COTL1: variants seen among roughly 807,000 people sequenced by gnomAD.
COTL1 encodes the protein coactosin like F-actin binding protein 1, also known as coactosin-like protein.
Under a neutral mutation model 16.5 loss-of-function variants are expected in COTL1, and 15 were observed. The observed-to-expected ratio is 0.91, with a 90% CI of 0.61 to 1.40. The LOEUF (loss-of-function observed/expected upper bound fraction) is 1.40, where lower values mean the gene tolerates loss of function less well. COTL1 is among the 40% of genes most tolerant of loss of function. The pLI is 0.00. For synonymous variants in COTL1, 112 were observed against 85.3 expected (o/e 1.31, Z -1.73); for missense variants, 220 against 201.5 (o/e 1.09, Z -0.56).
At chr16:84,582,198 T>C (rs1167411992) in intron 3 of COTL1, among the ~76,000 whole-genome samples, 2 of 151,932 alleles carry the variant, frequency 1.3e-5, no homozygotes, top group Non-Finnish European at 2.9e-5. Flanking sequence ...TTTTACTATG[T>C]TGGCCAGGTT....
At chr16:84,572,617 C>A (rs554994367) in intron 3 of COTL1, among the ~76,000 whole-genome samples, 3 of 152,186 alleles carry the variant, frequency 2.0e-5, no homozygotes, top group East Asian at 3.8e-4. Flanking sequence ...CAAGCCACCA[C>A]GTCCAGCTGA....
intron 2 of COTL1, among the ~76,000 whole-genome samples, chr16:84,600,846 C>T (rs1384114681): frequency 6.6e-6 from 1 of 152,198 alleles, no homozygotes; most frequent in Non-Finnish European, 1.5e-5. Flanking sequence ...AAGATGATTA[C>T]TTCGGCAGAA....
chr16:84,611,566 C>A (rs1044396734), intron 2 of COTL1, among the ~76,000 whole-genome samples: 2 of 152,198 alleles, frequency 1.3e-5, no homozygotes, highest in African/African-American at 4.8e-5. Context: ...TCCACGAGGA[C>A]AGGCGCCTTT....
chr16:84,610,692 A>C (rs926544570), intron 2 of COTL1, among the ~76,000 whole-genome samples: 1 of 152,054 alleles, frequency 6.6e-6, no homozygotes, highest in African/African-American at 2.4e-5. Flanking sequence ...TATGAAATGG[A>C]AGGGAGAGGT....
chr16:84,607,177 G>T (rs749133413), intron 2 of COTL1, among the ~76,000 whole-genome samples: 1 of 152,124 alleles, frequency 6.6e-6, no homozygotes, highest in Non-Finnish European at 1.5e-5. Context: ...ACCACCATAC[G>T]GGACACCAAC....
chr16:84,611,570 C>T (rs537043822), intron 2 of COTL1, among the ~76,000 whole-genome samples: 183 of 152,300 alleles, frequency 1.2e-3, no homozygotes, highest in African/African-American at 4.2e-3. Flanking sequence ...CGAGGACAGG[C>T]GCCTTTTCTG....
At chr16:84,611,880 T>A (rs17827507) in intron 2 of COTL1, among the ~76,000 whole-genome samples, 1 of 152,054 alleles carries the variant, frequency 6.6e-6, no homozygotes, top group African/African-American at 2.4e-5. Context: ...CTGTAAGCCC[T>A]TTCTGCTGTG....
At chr16:84,589,265 C>T (rs1304609007) in intron 3 of COTL1, among the ~76,000 whole-genome samples, 2 of 152,212 alleles carry the variant, frequency 1.3e-5, no homozygotes, top group South Asian at 2.1e-4. Flanking sequence ...CGTGAGCCAC[C>T]GCACCCAGCT....
rs1311382395 is a variant in COTL1 at position 84,602,239 on chromosome 16, C to G, written c.161-11977G>C. On this transcript the variant is annotated intron_variant, in intron 2 of 3. Coordinates refer to ENST00000262428, the MANE Select transcript of COTL1 (RefSeq NM_021149.5). The stretch of plus-strand genomic sequence containing the variant: ...GGGTGCCATTTTATAAGAGTAAAAC[C>G]AAGCAGATGGGCACAGCAGCTCACA... Among the ~76,000 whole-genome samples the G allele has an allele frequency of 4.6e-5, 7 of 151,328 alleles. No individual in the cohort carries two copies. In the East Asian group the frequency reaches 1.4e-3, roughly 29 times the overall value.
intron 3 of COTL1, among the ~76,000 whole-genome samples, chr16:84,581,234 G>A (rs369454550): frequency 1.1e-4 from 16 of 149,794 alleles, no homozygotes; most frequent in African/African-American, 4.0e-4. Flanking sequence ...CCCAGGCCCA[G>A]GTGAAATGCA....
At chr16:84,614,677 C>T (rs1905425655) in intron 2 of COTL1, among the ~76,000 whole-genome samples, 1 of 152,104 alleles carries the variant, frequency 6.6e-6, no homozygotes, top group Non-Finnish European at 1.5e-5. Context: ...AGTCTGCTGG[C>T]CACCTTGTGA....
intron 2 of COTL1, among the ~76,000 whole-genome samples, chr16:84,616,752 C>T (rs1411677873): frequency 6.6e-6 from 1 of 152,160 alleles, no homozygotes; most frequent in Non-Finnish European, 1.5e-5. Context: ...GGTTCACAAG[C>T]CACAGGGAAG....
intron 2 of COTL1, among the ~76,000 whole-genome samples, chr16:84,606,101 T>C (rs967462637): frequency 2.0e-5 from 3 of 152,202 alleles, no homozygotes; most frequent in Non-Finnish European, 4.4e-5. Context: ...AATAAAATAT[T>C]AAATGCTGAC....
At position 84,570,988 on chromosome 16, in the gene COTL1, G is replaced by T. The variant is rs117844035; in HGVS notation, c.319-4033C>A. ...TTTTTCCTTTTTTGCCTCTTCCAAT[G>T]ACCAAGAAAGACAAAACTTTAAACA... is the stretch of plus-strand genomic sequence containing the variant. On this transcript the variant is annotated intron_variant, in intron 3 of 3. Transcript: ENST00000262428. 8.9e-3 allele frequency among the ~76,000 whole-genome samples: 1,324 copies of T among 148,954 alleles called. 5 individuals carry two copies. Among genetic ancestry groups the T allele is most frequent in the Middle Eastern group, 0.014 (4 of 288 alleles).
chr16:84,566,981 G>C, intron 3 of COTL1, 26 bp from the exon 4 acceptor site: 1 of 1,535,382 alleles, frequency 6.5e-7, no homozygotes, highest in Non-Finnish European at 9.0e-7. Context: ...AAAACACAGC[G>C]TTCCTATTAA....
intron 2 of COTL1, among the ~76,000 whole-genome samples, chr16:84,602,076 A>G (rs1905114254): frequency 6.6e-6 from 1 of 152,092 alleles, no homozygotes; most frequent in Non-Finnish European, 1.5e-5. Flanking sequence ...GCACATCCAA[A>G]GCACCCAGAC....
At chr16:84,600,870 A>G (rs1905093609) in intron 2 of COTL1, among the ~76,000 whole-genome samples, 1 of 152,236 alleles carries the variant, frequency 6.6e-6, no homozygotes, top group Non-Finnish European at 1.5e-5. Context: ...CCAGGGTATA[A>G]GCTGATCTGG....
intron 2 of COTL1, among the ~76,000 whole-genome samples, chr16:84,609,518 G>A (rs997455760): frequency 2.0e-5 from 3 of 152,322 alleles, no homozygotes; most frequent in Middle Eastern, 3.4e-3. Context: ...GGACTCTCCT[G>A]ACATACCTCC....
At chr16:84,600,027 G>A (rs1222417482) in intron 2 of COTL1, among the ~76,000 whole-genome samples, 4 of 152,186 alleles carry the variant, frequency 2.6e-5, no homozygotes, top group African/African-American at 7.2e-5. Context: ...GTAAGAGGGA[G>A]GGGGCCTGAG....
Sources: gnomAD v4.1 joint callset for allele counts (sites outside exome capture counted in the v4.1 genomes callset) on GRCh38, gnomAD v4.1.1 for gene constraint, MANE v1.5 for transcripts, NCBI Gene and HGNC (gene_info 2026-07-23, HGNC 2026-07-21) for gene names.